The following GALNTL6 variants were observed in gnomAD, a reference collection of about 807,000 sequenced individuals.
The protein encoded by GALNTL6 is polypeptide N-acetylgalactosaminyltransferase-like 6.
GALNTL6 carries 46 observed loss-of-function variants against 73.7 expected under a neutral mutation model. That is an observed-to-expected ratio of 0.62 (90% CI 0.49 to 0.80). The LOEUF is 0.80. GALNTL6 is among the 30% of genes least tolerant of loss of function. The pLI, the probability that GALNTL6 is intolerant of heterozygous loss-of-function variation, is 0.00. For synonymous variants in GALNTL6, 259 were observed against 263.7 expected (o/e 0.98, Z 0.17); for missense variants, 604 against 755.0 (o/e 0.80, Z 2.34).
At chr4:171,956,770 T>C (rs1412198974) in intron 2 of GALNTL6, among the ~76,000 whole-genome samples, 1 of 152,244 alleles carries the variant, frequency 6.6e-6, no homozygotes, top group Non-Finnish European at 1.5e-5. Flanking sequence ...TTTGCTTTTT[T>C]CATTCTCTTC....
chr4:172,344,442 C>A (rs1741672825), intron 4 of GALNTL6, among the ~76,000 whole-genome samples: 1 of 152,126 alleles, frequency 6.6e-6, no homozygotes, highest in Non-Finnish European at 1.5e-5. Context: ...AAGGAGCTGG[C>A]TTTCCTTAGA....
chr4:172,417,741 C>T (rs891933554), intron 5 of GALNTL6, among the ~76,000 whole-genome samples: 4 of 152,142 alleles, frequency 2.6e-5, no homozygotes. Context: ...TTTTTGTATG[C>T]TGCTTCTCCA....
intron 5 of GALNTL6, among the ~76,000 whole-genome samples, chr4:172,433,624 G>A (rs373823770): frequency 1.3e-5 from 2 of 152,152 alleles, no homozygotes; most frequent in South Asian, 2.1e-4. Context: ...CCAAGGTTAA[G>A]ATCTTCTTTA....
At chr4:172,316,178 A>G (rs1260415400) in intron 4 of GALNTL6, among the ~76,000 whole-genome samples, 1 of 152,176 alleles carries the variant, frequency 6.6e-6, no homozygotes, top group Non-Finnish European at 1.5e-5. Context: ...TCTATGAAAA[A>G]AGGAATAATT....
At chr4:172,945,911 T>A (rs537641422) in intron 9 of GALNTL6, among the ~76,000 whole-genome samples, 124 of 152,262 alleles carry the variant, frequency 8.1e-4, no homozygotes, top group Admixed American at 1.5e-3. Context: ...TATCATATTA[T>A]CAATGATAAA....
chr4:172,535,114 A>G (rs796934293), intron 5 of GALNTL6, among the ~76,000 whole-genome samples: 6 of 152,148 alleles, frequency 3.9e-5, no homozygotes, highest in African/African-American at 1.4e-4. Flanking sequence ...TAAATTAATC[A>G]ATTCATTTCT....
intron 2 of GALNTL6, among the ~76,000 whole-genome samples, chr4:172,058,113 GTTGTTTTGTTTTGTT>G (rs10526611): frequency 0.34 from 49,414 of 146,224 alleles, 8,900 homozygotes; most frequent in Middle Eastern, 0.4. Flanking sequence ...GGCTGAAGTG[GTTGTTTTGTTTTGTT>G]TTGTTTTGTT....
chr4:172,908,554 A>G (rs1747025941), intron 8 of GALNTL6, among the ~76,000 whole-genome samples: 1 of 151,880 alleles, frequency 6.6e-6, no homozygotes. Context: ...CTAAAAAATG[A>G]CTATAAACAA....
intron 2 of GALNTL6, among the ~76,000 whole-genome samples, chr4:172,093,769 C>T (rs72988358): frequency 8.7e-4 from 133 of 152,290 alleles, no homozygotes; most frequent in African/African-American, 3.0e-3. Flanking sequence ...TTGCACACTC[C>T]TTGTGAGAAG....
intron 2 of GALNTL6, among the ~76,000 whole-genome samples, chr4:172,098,482 C>T (rs967050355): frequency 6.6e-6 from 1 of 151,988 alleles, no homozygotes; most frequent in African/African-American, 2.4e-5. Flanking sequence ...ATTGTTAAAT[C>T]AAAATATTTG....
At chr4:172,598,571 C>A (rs1013209838) in intron 5 of GALNTL6, among the ~76,000 whole-genome samples, 1 of 152,068 alleles carries the variant, frequency 6.6e-6, no homozygotes, top group African/African-American at 2.4e-5. Context: ...AAACCCTCTC[C>A]CTCCCACCCC....
intron 7 of GALNTL6, among the ~76,000 whole-genome samples, chr4:172,826,074 G>T (rs1196478405): frequency 6.6e-6 from 1 of 152,044 alleles, no homozygotes; most frequent in Non-Finnish European, 1.5e-5. Context: ...AATGAGCCTT[G>T]CAAAGCCCTG....
intron 5 of GALNTL6, among the ~76,000 whole-genome samples, chr4:172,515,484 G>A (rs1352500637): frequency 6.6e-6 from 1 of 152,206 alleles, no homozygotes; most frequent in Non-Finnish European, 1.5e-5. Context: ...CTTCTCTGTG[G>A]TTATTTTATG....
intron 2 of GALNTL6, among the ~76,000 whole-genome samples, chr4:171,831,217 C>T (rs1200161594): frequency 6.6e-6 from 1 of 151,856 alleles, no homozygotes; most frequent in Non-Finnish European, 1.5e-5. Flanking sequence ...AATTAGCAGT[C>T]ACGTAGCAGA....
chr4:172,916,961 C>T (rs1333576123), intron 8 of GALNTL6, among the ~76,000 whole-genome samples: 2 of 152,138 alleles, frequency 1.3e-5, no homozygotes, highest in Non-Finnish European at 2.9e-5. Flanking sequence ...GCAAAAAGAA[C>T]AAAGCTGGAG....
chr4:172,187,579 G>A (rs940897455), intron 2 of GALNTL6, among the ~76,000 whole-genome samples: 2 of 151,952 alleles, frequency 1.3e-5, no homozygotes, highest in Non-Finnish European at 2.9e-5. Flanking sequence ...TGCAGTGTTT[G>A]TCCCCCTTAA....
chr4:172,497,307 A>G (rs572896515), intron 5 of GALNTL6, among the ~76,000 whole-genome samples: 32 of 152,366 alleles, frequency 2.1e-4, no homozygotes, highest in African/African-American at 6.7e-4. Flanking sequence ...CTGAAACTGC[A>G]TAATGATTTC....
intron 5 of GALNTL6, among the ~76,000 whole-genome samples, chr4:172,489,589 G>T (rs1033614015): frequency 5.3e-5 from 8 of 152,138 alleles, no homozygotes; most frequent in Admixed American, 5.2e-4. Flanking sequence ...ATTAATACTA[G>T]TGTCATTATC....
intron 3 of GALNTL6, among the ~76,000 whole-genome samples, chr4:172,288,164 C>T (rs111558550): frequency 1.3e-4 from 20 of 151,414 alleles, no homozygotes; most frequent in African/African-American, 4.9e-4. Context: ...GATCTCAGCT[C>T]ACTGCAAGCT....
Sources: allele counts gnomAD v4.1 joint callset (sites outside exome capture counted in the v4.1 genomes callset), GRCh38; gene constraint gnomAD v4.1.1; transcripts MANE v1.5; gene names NCBI Gene and HGNC (gene_info 2026-07-23, HGNC 2026-07-21).